CNTN3: variants seen among roughly 807,000 people sequenced by gnomAD.
CNTN3 encodes contactin-3.
A neutral mutation model predicts 119.1 loss-of-function variants in CNTN3; 60 were observed. The ratio of observed to expected loss-of-function variants is 0.50; its 90% CI spans 0.41 to 0.62. CNTN3 has a LOEUF of 0.62. Ranked by LOEUF, CNTN3 falls within the 20% of genes least tolerant of loss-of-function variation. CNTN3 has a pLI of 0.00. For missense variants in CNTN3, 1,101 were observed against 1,242.4 expected (o/e 0.89, Z 1.71); for synonymous variants, 450 against 438.7 (o/e 1.03, Z -0.32).
intron 1 of CNTN3, among the ~76,000 whole-genome samples, chr3:74,602,421 G>C (rs1333639145): frequency 2.6e-5 from 4 of 151,926 alleles, no homozygotes; most frequent in Admixed American, 1.3e-4. Flanking sequence ...AATTTGGGGA[G>C]GGGGGCTTTT....
intron 4 of CNTN3, among the ~76,000 whole-genome samples, chr3:74,478,113 TA>T (rs1353641667): frequency 6.6e-6 from 1 of 152,070 alleles, no homozygotes; most frequent in Non-Finnish European, 1.5e-5. Context: ...AGTACAAATG[TA>T]AATGTTAGAA....
intron 5 of CNTN3, among the ~76,000 whole-genome samples, chr3:74,419,051 C>T (rs1701576225): frequency 6.6e-6 from 1 of 151,948 alleles, no homozygotes; most frequent in Non-Finnish European, 1.5e-5. Context: ...CCCTCCTCGG[C>T]CTCCCAAAGT....
At chr3:74,441,616 A>G (rs1305647654) in intron 4 of CNTN3, among the ~76,000 whole-genome samples, 1 of 152,194 alleles carries the variant, frequency 6.6e-6, no homozygotes, top group Non-Finnish European at 1.5e-5. Context: ...ATGTATACAA[A>G]TTAGAAAGCA....
Position 74,301,159 on chromosome 3 carries a change from C to T in CNTN3, c.2095+239G>A, listed in dbSNP as rs74591834. On this transcript the variant is annotated intron_variant, in intron 16 of 22. Coordinates refer to ENST00000263665, the MANE Select transcript of CNTN3 (RefSeq NM_020872.3). The stretch of plus-strand genomic sequence containing the variant: ...TAAGTGACAAAAGCATATTCACTCA[C>T]ATGCACTAATGATCATTTACAATGG... 5.9e-3 allele frequency among the ~76,000 whole-genome samples: 906 copies of T among 152,332 alleles called. 9 individuals are homozygous for T. Among genetic ancestry groups the T allele is most frequent in the African/African-American group, 0.021 (868 of 41,574 alleles).
chr3:74,295,731 AAGG>A (rs1022641259), intron 18 of CNTN3, among the ~76,000 whole-genome samples: 9 of 152,146 alleles, frequency 5.9e-5, no homozygotes, highest in African/African-American at 2.2e-4. Context: ...TGCTCTTTTG[AAGG>A]AGTAGATAGA....
Position 74,334,831 on chromosome 3 carries a change from T to C in CNTN3, c.1572A>G (p.Gln524=). 1 of 1,613,634 alleles carries C rather than the reference T, an allele frequency of 6.2e-7. No homozygotes were observed. Among genetic ancestry groups the C allele is most frequent in the Non-Finnish European group, 8.5e-7 (1 of 1,179,648 alleles). ...AGATGATGTCTAACAGCGGGTCATGTTGTACCTGGCAGGGCAATATGACGC... is the reference window on the plus strand; with the variant it reads ...AGATGATGTCTAACAGCGGGTCATGCTGTACCTGGCAGGGCAATATGACGC... The part of the protein sequence containing the change: ...GESVILPCQV[Q]HDPLLDIIFT... Residue 524 remains glutamine (Q), a synonymous_variant, in exon 13 of 23, where the codon CAA becomes CAG. Coordinates refer to ENST00000263665, the MANE Select transcript of CNTN3 (RefSeq NM_020872.3).
chr3:74,362,056 G>A lies in CNTN3; in HGVS notation c.1214-16C>T, dbSNP rs1704085257. 6.2e-7 allele frequency: 1 copy of A among 1,611,096 alleles called. No homozygotes were observed. The highest frequency in any genetic ancestry group is 8.5e-7 in the Non-Finnish European group (1 of 1,178,174). ...GGAGCAGAAGCTGAAAGGCAAGAAA[G>A]GAGAGAAGGAGAAGTGGATCATTTA... is the stretch of plus-strand genomic sequence containing the variant. On this transcript the variant is annotated splice_polypyrimidine_tract_variant and intron_variant, in intron 10 of 22. Transcript: ENST00000263665.
intron 1 of CNTN3, among the ~76,000 whole-genome samples, chr3:74,527,709 T>C (rs1247432689): frequency 6.6e-6 from 1 of 151,954 alleles, no homozygotes; most frequent in Non-Finnish European, 1.5e-5. Flanking sequence ...TCAATGCTCT[T>C]GCTTTGCTTT....
chr3:74,552,464 G>A (rs1704006076), intron 1 of CNTN3, among the ~76,000 whole-genome samples: 1 of 152,182 alleles, frequency 6.6e-6, no homozygotes, highest in Admixed American at 6.5e-5. Context: ...CAGCATCTGT[G>A]TGACCTGTGT....
Position 74,437,818 on chromosome 3 carries a change from G to A in CNTN3, c.359-12878C>T, listed in dbSNP as rs142929423. On this transcript the variant is annotated intron_variant, in intron 4 of 22. Coordinates refer to ENST00000263665, the MANE Select transcript of CNTN3 (RefSeq NM_020872.3). ...CTTTGTTTTGAAATGAAGACCTCCAGGTGGTATATCTGAGTTTGGAGATAA... is the reference window on the plus strand; with the variant it reads ...CTTTGTTTTGAAATGAAGACCTCCAAGTGGTATATCTGAGTTTGGAGATAA... Among the ~76,000 whole-genome samples the A allele has an allele frequency of 2.1e-3, 313 of 152,182 alleles. 1 individual carries two copies. The highest frequency in any genetic ancestry group is 7.2e-3 in the African/African-American group (297 of 41,516).
chr3:74,503,983 T>C (rs970731648), intron 2 of CNTN3, among the ~76,000 whole-genome samples: 3 of 152,136 alleles, frequency 2.0e-5, no homozygotes, highest in African/African-American at 7.2e-5. Flanking sequence ...CCTAAGGTAA[T>C]GTCATGTAAA....
intron 11 of CNTN3, among the ~76,000 whole-genome samples, chr3:74,359,618 C>T (rs1436608397): frequency 6.6e-6 from 1 of 152,108 alleles, no homozygotes; most frequent in South Asian, 2.1e-4. Flanking sequence ...GGAACTTACA[C>T]ACTTTTACCA....
chr3:74,278,899 A>G (rs145523107), intron 20 of CNTN3, among the ~76,000 whole-genome samples: 163 of 152,222 alleles, frequency 1.1e-3, no homozygotes, highest in African/African-American at 3.0e-3. Flanking sequence ...ACGAACTCAA[A>G]TCAGCGGGAA....
chr3:74,535,521 C>T (rs1383849633), intron 1 of CNTN3, among the ~76,000 whole-genome samples: 2 of 152,062 alleles, frequency 1.3e-5, no homozygotes, highest in African/African-American at 4.8e-5. Flanking sequence ...ATGTAATGAT[C>T]TGCAGATACC....
At chr3:74,526,813 T>C (rs1373425635) in intron 1 of CNTN3, among the ~76,000 whole-genome samples, 2 of 151,856 alleles carry the variant, frequency 1.3e-5, no homozygotes, top group Non-Finnish European at 2.9e-5. Flanking sequence ...TTCTCTCCCT[T>C]GACCCTCAAC....
intron 4 of CNTN3, among the ~76,000 whole-genome samples, chr3:74,471,991 C>T (rs140509934): frequency 6.6e-6 from 1 of 152,294 alleles, no homozygotes; most frequent in African/African-American, 2.4e-5. Context: ...TGAATGAACT[C>T]AAACTTTGAA....
chr3:74,569,527 A>G (rs991662058), intron 1 of CNTN3, among the ~76,000 whole-genome samples: 7 of 152,130 alleles, frequency 4.6e-5, no homozygotes, highest in Admixed American at 3.9e-4. Context: ...CTCACTCTCA[A>G]CTCAGCACTT....
At chr3:74,537,981 A>G (rs1703789625) in intron 1 of CNTN3, among the ~76,000 whole-genome samples, 1 of 152,106 alleles carries the variant, frequency 6.6e-6, no homozygotes, top group South Asian at 2.1e-4. Context: ...TGGATGAATG[A>G]ATGACCCATG....
At chr3:74,277,663 C>G (rs2106765230) in intron 20 of CNTN3, among the ~76,000 whole-genome samples, 2 of 152,210 alleles carry the variant, frequency 1.3e-5, no homozygotes, top group Middle Eastern at 3.4e-3. Context: ...CCAAATTATA[C>G]TGAATAGGGA....
Sources: gnomAD v4.1 joint callset for allele counts (sites outside exome capture counted in the v4.1 genomes callset) on GRCh38, gnomAD v4.1.1 for gene constraint, MANE v1.5 for transcripts, NCBI Gene and HGNC (gene_info 2026-07-23, HGNC 2026-07-21) for gene names.